UTP20: variants seen among roughly 807,000 people sequenced by gnomAD.
UTP20 encodes small subunit processome component 20 homolog.
Under a neutral mutation model 329.5 loss-of-function variants are expected in UTP20, and 164 were observed. That is an observed-to-expected ratio of 0.50 (90% confidence interval 0.44 to 0.57). The LOEUF (loss-of-function observed/expected upper bound fraction) is 0.57. Ranked by LOEUF, UTP20 falls within the 20% of genes least tolerant of loss-of-function variation. The probability of loss-of-function intolerance (pLI) is 0.00; values close to 1 mark genes in which losing one functional copy is unlikely to be tolerated. For synonymous variants in UTP20, 1,151 were observed against 1,159.3 expected (o/e 0.99, Z 0.14); for missense variants, 3,055 against 3,284.2 (o/e 0.93, Z 1.71).
At chr12:101,286,195 T>C in intron 4 of UTP20, 126 bp from the exon 5 acceptor site, 1 of 942,496 alleles carries the variant, frequency 1.1e-6, no homozygotes, top group Non-Finnish European at 1.5e-6. Flanking sequence ...TTATAATTTT[T>C]CAGACTTGAT....
intron 25 of UTP20, 45 bp downstream of exon 25, chr12:101,321,674 AAC>A (rs772087830): frequency 3.1e-6 from 5 of 1,597,376 alleles, no homozygotes; most frequent in Non-Finnish European, 4.3e-6. Flanking sequence ...GTTAATAACA[AAC>A]ACAATTGTGA....
Position 101,286,471 on chromosome 12 carries a change from G to C in UTP20, c.477G>C (p.Leu159=). The C allele has an allele frequency of 6.2e-7, 1 of 1,613,486 alleles. No individual in the cohort carries two copies. Residue 159 remains leucine, a synonymous_variant, in exon 5 of 62, where the codon CTG becomes CTC. Transcript: ENST00000261637. ...CGTTATCATATCTTTATAAGTACCT[G>C]TGGAGACTGATGGTGAAGGACATGT... is the stretch of plus-strand genomic sequence containing the variant. ...FTSLSYLYKY[L]WRLMVKDMSS...
Position 101,290,279 on chromosome 12 carries a change from A to G in UTP20, c.735+5A>G, listed in dbSNP as rs201361692. ...TTTCACTCCTGTACAGGCCAGGTACATAATGGGGAGGGGTGCTTAGAGTCT... is the reference window on the plus strand; with the variant it reads ...TTTCACTCCTGTACAGGCCAGGTACGTAATGGGGAGGGGTGCTTAGAGTCT... On this transcript the variant is annotated splice_donor_5th_base_variant and intron_variant, in intron 7 of 61. Transcript: ENST00000261637. 6.3e-7 allele frequency: 1 copy of G among 1,583,690 alleles called. No homozygotes were observed. The highest frequency in any genetic ancestry group is 8.6e-7 in the Non-Finnish European group (1 of 1,167,866).
At chr12:101,304,735 G>T (rs887298191) in intron 15 of UTP20, among the ~76,000 whole-genome samples, 3 of 152,228 alleles carry the variant, frequency 2.0e-5, no homozygotes, top group Non-Finnish European at 4.4e-5. Context: ...ACCACAAAGA[G>T]TTCTCTGGCC....
At chr12:101,359,600 T>C (rs181064823) in intron 43 of UTP20, among the ~76,000 whole-genome samples, 5 of 152,268 alleles carry the variant, frequency 3.3e-5, no homozygotes, top group Admixed American at 1.3e-4. Flanking sequence ...CTTTCATATC[T>C]TTCTGCAATT....
Position 101,290,897 on chromosome 12 carries a change from T to C in UTP20, c.891+9T>C. 1 of 1,607,146 alleles carries C rather than the reference T, an allele frequency of 6.2e-7. No homozygotes were observed. The highest frequency in any genetic ancestry group is 8.5e-7 in the Non-Finnish European group (1 of 1,177,910). Reference sequence around the variant, plus strand: ...TTTTTGAATGTTTGCAAGTGAGTTCTAATCTTTAAGGATGGGTTTTTGATA... The same window carrying C: ...TTTTTGAATGTTTGCAAGTGAGTTCCAATCTTTAAGGATGGGTTTTTGATA... On this transcript the variant is annotated intron_variant, in intron 8 of 61. Transcript: ENST00000261637.
chr12:101,325,683 G>T (rs1442097914), intron 25 of UTP20, among the ~76,000 whole-genome samples: 1 of 152,188 alleles, frequency 6.6e-6, no homozygotes, highest in Non-Finnish European at 1.5e-5. Flanking sequence ...TGTACAAGCT[G>T]AACTAGCTAC....
chr12:101,378,724 A>G (rs889760999), intron 56 of UTP20, among the ~76,000 whole-genome samples: 12 of 152,104 alleles, frequency 7.9e-5, no homozygotes, highest in Non-Finnish European at 1.3e-4. Context: ...TGTCGCAAAA[A>G]AAAAAGAAAA....
chr12:101,312,529 C>T (rs1872829279), intron 21 of UTP20, among the ~76,000 whole-genome samples: 1 of 152,210 alleles, frequency 6.6e-6, no homozygotes, highest in Non-Finnish European at 1.5e-5. Context: ...GCAACCTTCA[C>T]CTCCCAGATT....
At position 101,290,877 on chromosome 12, in the gene UTP20, G is replaced by T. The variant is rs772569765; in HGVS notation, c.880G>T (p.Glu294Ter). 6.2e-7 allele frequency: 1 copy of T among 1,612,316 alleles called. No individual in the cohort carries two copies. Among genetic ancestry groups the T allele is most frequent in the South Asian group, 1.1e-5 (1 of 90,392 alleles). ...CAAGGAACATTTTGGTACATTTTTTGAATGTTTGCAAGTGAGTTCTAATCT... is the reference window on the plus strand; with the variant it reads ...CAAGGAACATTTTGGTACATTTTTTTAATGTTTGCAAGTGAGTTCTAATCT... ...ISKEHFGTFFECLQESLLDLH... is the reference protein window; with the variant it reads ...ISKEHFGTFF The change falls in exon 8 of 62, where the codon GAA becomes TAA. Residue 294 changes from glutamate (E) to a stop codon, truncating the protein, a stop_gained. Coordinates refer to ENST00000261637, the MANE Select transcript of UTP20 (RefSeq NM_014503.3). LOFTEE classifies it high-confidence loss of function.
chr12:101,375,031 AATATTT>A (rs1323190898), intron 55 of UTP20, 92 bp downstream of exon 55: 1 of 837,260 alleles, frequency 1.2e-6, no homozygotes, highest in African/African-American at 1.7e-5. Flanking sequence ...TTATAGGTTA[AATATTT>A]ATATTTATAG....
At chr12:101,292,213 T>C in intron 10 of UTP20, 109 bp downstream of exon 10, 13 of 1,239,054 alleles carry the variant, frequency 1.0e-5, no homozygotes, top group Non-Finnish European at 1.4e-5. Context: ...CCTCAAGGAA[T>C]TTATAATCTT....
intron 24 of UTP20, 132 bp downstream of exon 24, chr12:101,321,069 A>G: frequency 1.3e-6 from 1 of 742,056 alleles, no homozygotes; most frequent in Non-Finnish European, 2.1e-6. Flanking sequence ...TCGTATTTCC[A>G]AGCAAGAAAT....
In UTP20 at chr12:101,381,139, G is replaced by A; in HGVS notation, c.7585-1G>A. On this transcript the variant is annotated splice_acceptor_variant, in intron 57 of 61. Coordinates refer to ENST00000261637, the MANE Select transcript of UTP20 (RefSeq NM_014503.3). LOFTEE classifies it high-confidence loss of function. ...TACCAATGTCCATTTTCTTTTCACA[G>A]ATGAAAAGTATCTCTCTCGCCTCTT... 6.2e-7 allele frequency: 1 copy of A among 1,612,232 alleles called. No homozygotes were observed. Among genetic ancestry groups the A allele is most frequent in the Non-Finnish European group, 8.5e-7 (1 of 1,178,328 alleles).
intron 21 of UTP20, among the ~76,000 whole-genome samples, chr12:101,315,344 C>T (rs1171543266): frequency 3.3e-5 from 5 of 151,812 alleles, no homozygotes; most frequent in Non-Finnish European, 2.9e-5. Context: ...ATTAGCCGGG[C>T]CTGGTGGCAT....
In UTP20 at chr12:101,285,583, A is replaced by G. The variant is rs1871934279; in HGVS notation, c.140A>G (p.Tyr47Cys). Residue 47 changes from tyrosine to cysteine, a missense_variant, in exon 3 of 62, where the codon TAC (tyrosine) becomes TGC (cysteine). Tyr to Cys is a radical substitution (Grantham distance 194). Around this residue, in one of 3 missense-constraint regions of UTP20, gnomAD observed 2,445 missense variants for 2,575.5 expected, o/e 0.95. Coordinates refer to ENST00000261637, the MANE Select transcript of UTP20 (RefSeq NM_014503.3). ...TASYEEEVET[Y>C]FFEGLLKWRE... ...TAATCTTGACAGGAGGTTGAAACCT[A>G]CTTTTTTGAGGGTCTGCTGAAATGG... The G allele has an allele frequency of 5.6e-6, 9 of 1,613,756 alleles. No individual in the cohort carries two copies. The highest frequency in any genetic ancestry group is 7.6e-6 in the Non-Finnish European group (9 of 1,179,816).
chr12:101,296,465 G>A (rs1872353798), intron 12 of UTP20, among the ~76,000 whole-genome samples: 1 of 151,684 alleles, frequency 6.6e-6, no homozygotes, highest in African/African-American at 2.4e-5. Flanking sequence ...TAGTTACTCG[G>A]GAGGCTGAGG....
In UTP20 at chr12:101,367,976, G is replaced by A; in HGVS notation, c.6384G>A (p.Lys2128=). 1 of 1,598,060 alleles carries A rather than the reference G, an allele frequency of 6.3e-7. No homozygotes were observed. The highest frequency in any genetic ancestry group is 8.6e-7 in the Non-Finnish European group (1 of 1,165,580). The part of the protein sequence containing the change: ...LIDCLGSMDV[K]VITGALQCLI... ...ACTGCCTGGGCTCCATGGATGTGAAGGTAAGCATCGGTTTGCACTCTGCAT... is the reference window on the plus strand; with the variant it reads ...ACTGCCTGGGCTCCATGGATGTGAAAGTAAGCATCGGTTTGCACTCTGCAT... The change falls in exon 48 of 62, where the codon AAG becomes AAA. Residue 2128 remains lysine (K), a splice_region_variant and synonymous_variant. Coordinates refer to ENST00000261637, the MANE Select transcript of UTP20 (RefSeq NM_014503.3).
At chr12:101,361,828 CA>C in intron 43 of UTP20, 133 bp from the exon 44 acceptor site, 2 of 682,260 alleles carry the variant, frequency 2.9e-6, no homozygotes, top group Non-Finnish European at 5.2e-6. Context: ...AACTATGTGT[CA>C]TTTGTCGAAG....
Sources: allele counts gnomAD v4.1 joint callset (sites outside exome capture counted in the v4.1 genomes callset), GRCh38; gene constraint gnomAD v4.1.1; regional missense constraint gnomAD v4.1.1; transcripts MANE v1.5; gene names NCBI Gene and HGNC (gene_info 2026-07-23, HGNC 2026-07-21).